UVRAG: variants seen among roughly 807,000 people sequenced by gnomAD.
UVRAG encodes the protein UV radiation resistance associated.
Under a neutral mutation model 78.0 loss-of-function variants are expected in UVRAG, and 19 were observed. The ratio of observed to expected loss-of-function variants is 0.24; its 90% CI spans 0.17 to 0.36. UVRAG has a LOEUF of 0.36. Among genes scored for constraint, UVRAG ranks in the 10% least tolerant of loss-of-function variants. The pLI is 1.00. For synonymous variants in UVRAG, 323 were observed against 324.6 expected, an observed-to-expected ratio of 1.00 and a Z score of 0.05; for missense variants, 740 against 853.8, an observed-to-expected ratio of 0.87 and a Z score of 1.66.
At chr11:76,096,527 A>G (rs1050439707) in intron 13 of UVRAG, among the ~76,000 whole-genome samples, 1 of 152,192 alleles carries the variant, frequency 6.6e-6, no homozygotes, top group Non-Finnish European at 1.5e-5. Context: ...CTGCCCAACA[A>G]TGGAATGGAA....
intron 1 of UVRAG, among the ~76,000 whole-genome samples, chr11:75,820,057 G>A (rs1157308694): frequency 2.6e-5 from 4 of 152,086 alleles, no homozygotes; most frequent in African/African-American, 9.7e-5. Flanking sequence ...GCTCACTGAG[G>A]CCTCAACCTC....
intron 11 of UVRAG, among the ~76,000 whole-genome samples, chr11:76,012,375 A>G (rs1950066084): frequency 6.6e-6 from 1 of 152,076 alleles, no homozygotes; most frequent in Admixed American, 6.5e-5. Flanking sequence ...AATTTTTTCA[A>G]GGAGTCATAT....
intron 6 of UVRAG, among the ~76,000 whole-genome samples, chr11:75,914,760 C>G (rs1415678384): frequency 2.0e-5 from 3 of 151,924 alleles, no homozygotes; most frequent in Non-Finnish European, 4.4e-5. Flanking sequence ...TCCCAAAGTG[C>G]TGGGATTACA....
At chr11:76,001,553 C>A (rs1385097986) in intron 8 of UVRAG, among the ~76,000 whole-genome samples, 1 of 152,016 alleles carries the variant, frequency 6.6e-6, no homozygotes, top group African/African-American at 2.4e-5. Flanking sequence ...AAACCTGTAG[C>A]CATATTAACT....
intron 6 of UVRAG, among the ~76,000 whole-genome samples, chr11:75,928,490 C>G (rs1028746689): frequency 6.6e-6 from 1 of 151,918 alleles, no homozygotes; most frequent in Non-Finnish European, 1.5e-5. Flanking sequence ...ATGGCTGGGA[C>G]ATGGTGGCTC....
At chr11:76,135,304 A>G (rs548883814) in intron 14 of UVRAG, among the ~76,000 whole-genome samples, 1 of 152,286 alleles carries the variant, frequency 6.6e-6, no homozygotes, top group Admixed American at 6.5e-5. Flanking sequence ...TCTAGAGCTG[A>G]AGAGATAAGA....
At chr11:75,856,907 G>A (rs997946251) in intron 2 of UVRAG, among the ~76,000 whole-genome samples, 17 of 152,112 alleles carry the variant, frequency 1.1e-4, no homozygotes, top group African/African-American at 3.4e-4. Flanking sequence ...TCCATCTCCT[G>A]TATTCTTCCT....
At chr11:76,064,456 C>T (rs1176970146) in intron 12 of UVRAG, among the ~76,000 whole-genome samples, 1 of 152,158 alleles carries the variant, frequency 6.6e-6, no homozygotes, top group Non-Finnish European at 1.5e-5. Flanking sequence ...CATTTTTATG[C>T]ATCTCAATTT....
chr11:76,065,855 T>A lies in UVRAG; in HGVS notation c.1305+67T>A, dbSNP rs1189349797. 4 of 1,470,048 alleles carry A rather than the reference T, an allele frequency of 2.7e-6. No homozygotes were observed. In the Admixed American group the frequency reaches 5.3e-5, roughly 19 times the overall value. The allele number at this position is 1,470,048 out of a possible 1,614,324, so 91.1% of individuals were successfully genotyped here. A position where few individuals can be genotyped will look rare whatever the true frequency, so the allele number is the denominator to read the frequency against. ...AGCCTGTTTCCTTAGATTGCCAGCC[T>A]TTTTTCTTTATAAATATGCACTGCA... On this transcript the variant is annotated intron_variant, in intron 13 of 14. Transcript: ENST00000356136.
intron 12 of UVRAG, among the ~76,000 whole-genome samples, chr11:76,025,689 C>T (rs951090453): frequency 1.9e-4 from 29 of 152,074 alleles, no homozygotes; most frequent in African/African-American, 7.0e-4. Flanking sequence ...CTGATTGATT[C>T]TGATTTCAAG....
chr11:75,824,726 T>C (rs1000444704), intron 1 of UVRAG, among the ~76,000 whole-genome samples: 1 of 139,282 alleles, frequency 7.2e-6, no homozygotes. Flanking sequence ...CAGGCTGGAG[T>C]GCAGTGGCAC....
intron 1 of UVRAG, among the ~76,000 whole-genome samples, chr11:75,829,918 C>T (rs537931382): frequency 1.4e-4 from 22 of 152,366 alleles, no homozygotes; most frequent in African/African-American, 4.3e-4. Flanking sequence ...CGGCTCACTG[C>T]AGCCTCCACC....
chr11:76,102,209 A>G (rs1394430224), intron 13 of UVRAG, among the ~76,000 whole-genome samples: 1 of 152,240 alleles, frequency 6.6e-6, no homozygotes, highest in Admixed American at 6.5e-5. Flanking sequence ...CTTTCAATTC[A>G]TGAGCATGGA....
At chr11:76,091,186 CT>C (rs1951689778) in intron 13 of UVRAG, among the ~76,000 whole-genome samples, 1 of 152,122 alleles carries the variant, frequency 6.6e-6, no homozygotes, top group South Asian at 2.1e-4. Flanking sequence ...AATCATTGTT[CT>C]ATTATATTTT....
chr11:75,920,008 G>GTTTTTTTTTTTTTTTTTTTTTT (rs140217190), intron 6 of UVRAG, among the ~76,000 whole-genome samples: 4 of 55,492 alleles, frequency 7.2e-5, no homozygotes, highest in African/African-American at 1.7e-4. Flanking sequence ...AATAATTTTG[G>GTTTTTTTTTTTTTTTTTTTTTT]TTTTTTTTTT....
rs897900177 is a variant in UVRAG, at chr11:76,143,561, C to T, written c.*2148C>T. ...TTGCTAGGTGCCTACACATTTGCCT[C>T]GACCCACACAGCCCCGTGGTGATGC... is the stretch of plus-strand genomic sequence containing the variant. On this transcript the variant is annotated 3_prime_UTR_variant, in exon 15 of 15. Transcript: ENST00000356136. 6.6e-6 allele frequency among the ~76,000 whole-genome samples: 1 copy of T among 151,734 alleles called. No homozygotes were observed. Among genetic ancestry groups the T allele is most frequent in the Admixed American group, 6.6e-5 (1 of 15,248 alleles).
intron 13 of UVRAG, among the ~76,000 whole-genome samples, chr11:76,103,495 C>G (rs1225961564): frequency 1.3e-5 from 2 of 150,036 alleles, no homozygotes; most frequent in African/African-American, 4.9e-5. Context: ...TATTTGAAAA[C>G]TGTGAGGAAC....
intron 3 of UVRAG, among the ~76,000 whole-genome samples, chr11:75,862,356 A>C (rs1370749022): frequency 1.3e-5 from 2 of 152,184 alleles, no homozygotes; most frequent in African/African-American, 4.8e-5. Context: ...TAAATATCCT[A>C]CTTTTGATAA....
chr11:76,068,556 C>G (rs1348388689), intron 13 of UVRAG, among the ~76,000 whole-genome samples: 1 of 152,120 alleles, frequency 6.6e-6, no homozygotes, highest in African/African-American at 2.4e-5. Flanking sequence ...TTCTTAAAAA[C>G]TGGCTTTTTT....
Sources: allele counts gnomAD v4.1 joint callset (sites outside exome capture counted in the v4.1 genomes callset), GRCh38; gene constraint gnomAD v4.1.1; transcripts MANE v1.5; gene names NCBI Gene and HGNC (gene_info 2026-07-23, HGNC 2026-07-21).